Variants in BMPER observed in about 807,000 individuals in gnomAD.
BMPER encodes the protein BMP binding endothelial regulator.
A neutral mutation model predicts 87.3 loss-of-function variants in BMPER; 45 were observed. The observed-to-expected ratio is 0.52, with a 90% CI of 0.41 to 0.66. BMPER has a LOEUF of 0.66. Ranked by LOEUF, BMPER falls within the 30% of genes least tolerant of loss-of-function variation. The pLI is 0.00. For synonymous variants in BMPER, 326 were observed against 316.2 expected (o/e 1.03, Z -0.33); for missense variants, 784 against 867.5 (o/e 0.90, Z 1.21).
chr7:33,989,674 A>C (rs1490095382), intron 6 of BMPER, among the ~76,000 whole-genome samples: 2 of 152,050 alleles, frequency 1.3e-5, no homozygotes, highest in African/African-American at 4.8e-5. Context: ...GGTGTTTTGG[A>C]CATGAAGTCC....
At chr7:33,983,719 G>A (rs1290546776) in intron 6 of BMPER, among the ~76,000 whole-genome samples, 1 of 152,112 alleles carries the variant, frequency 6.6e-6, no homozygotes, top group East Asian at 1.9e-4. Context: ...TCCTCTCCCT[G>A]CACCAACCAG....
intron 13 of BMPER, among the ~76,000 whole-genome samples, chr7:34,116,011 A>G (rs1406620356): frequency 6.6e-6 from 1 of 152,216 alleles, no homozygotes; most frequent in African/African-American, 2.4e-5. Flanking sequence ...CCTAGTGGGT[A>G]TGAAGTGGTA....
At chr7:34,063,282 A>G (rs1788488531) in intron 11 of BMPER, among the ~76,000 whole-genome samples, 1 of 152,082 alleles carries the variant, frequency 6.6e-6, no homozygotes, top group African/African-American at 2.4e-5. Flanking sequence ...GTTCTTTCCA[A>G]TTCTCTAAAA....
At chr7:34,072,612 G>A (rs1002288721) in intron 11 of BMPER, among the ~76,000 whole-genome samples, 6 of 152,042 alleles carry the variant, frequency 3.9e-5, no homozygotes, top group Non-Finnish European at 7.4e-5. Flanking sequence ...ACCTCTTTCA[G>A]AAGTGCCCAT....
At chr7:33,972,223 A>G (rs772709569) in intron 5 of BMPER, among the ~76,000 whole-genome samples, 2 of 152,116 alleles carry the variant, frequency 1.3e-5, no homozygotes, top group Non-Finnish European at 2.9e-5. Context: ...TTATTGACAC[A>G]GAATCAACTC....
intron 11 of BMPER, among the ~76,000 whole-genome samples, chr7:34,072,596 A>G (rs1392228906): frequency 6.6e-6 from 1 of 152,132 alleles, no homozygotes; most frequent in African/African-American, 2.4e-5. Flanking sequence ...CCTTGTGAAT[A>G]CATTCACCTC....
At chr7:33,993,942 G>A (rs1339368183) in intron 6 of BMPER, among the ~76,000 whole-genome samples, 1 of 152,144 alleles carries the variant, frequency 6.6e-6, no homozygotes, top group Non-Finnish European at 1.5e-5. Flanking sequence ...GGGGGTCAGG[G>A]GTCAGGGACC....
chr7:34,013,364 T>C (rs1786932605), intron 6 of BMPER, among the ~76,000 whole-genome samples: 1 of 151,750 alleles, frequency 6.6e-6, no homozygotes, highest in East Asian at 2.0e-4. Flanking sequence ...TCAACTCTAC[T>C]ACTTCCATCC....
chr7:34,093,857 C>T (rs1789458634), intron 13 of BMPER, among the ~76,000 whole-genome samples: 1 of 152,128 alleles, frequency 6.6e-6, no homozygotes, highest in Non-Finnish European at 1.5e-5. Flanking sequence ...TACTTCTTAG[C>T]AGGAGGCAGA....
At chr7:33,924,432 G>A (rs1409422845) in intron 2 of BMPER, among the ~76,000 whole-genome samples, 1 of 152,044 alleles carries the variant, frequency 6.6e-6, no homozygotes, top group East Asian at 1.9e-4. Flanking sequence ...GCGCGCTGCG[G>A]CTCCGGACGC....
chr7:34,069,197 A>C (rs1270030131), intron 11 of BMPER, among the ~76,000 whole-genome samples: 1 of 152,218 alleles, frequency 6.6e-6, no homozygotes, highest in Non-Finnish European at 1.5e-5. Flanking sequence ...GTAATGATAC[A>C]CCTAAAATAC....
chr7:34,149,047 A>G (rs1162565343), intron 14 of BMPER, among the ~76,000 whole-genome samples: 2 of 152,110 alleles, frequency 1.3e-5, no homozygotes, highest in Non-Finnish European at 2.9e-5. Flanking sequence ...GGAGGCATGC[A>G]TTGAGCTGCT....
rs1263527360 is a variant in BMPER at position 34,085,864 on chromosome 7, A to G, written c.1517A>G (p.Asp506Gly). The G allele has an allele frequency of 1.2e-6, 2 of 1,614,184 alleles. No homozygotes were observed. Among genetic ancestry groups the G allele is most frequent in the East Asian group, 2.2e-5 (1 of 44,870 alleles). ...LCGNYNGHKRDDLIGGDGNFK... is the reference protein window; with the variant it reads ...LCGNYNGHKRGDLIGGDGNFK... ...GGCAACTACAATGGACATAAACGTG[A>G]TGACTTAATTGGTGGAGATGGAAAC... Residue 506 changes from aspartate (D) to glycine (G), a missense_variant, in exon 13 of 15, where the codon GAT (aspartate) becomes GGT (glycine). By Grantham distance (94) the Asp-to-Gly change is moderately conservative. Coordinates refer to ENST00000649409, the MANE Select transcript of BMPER (RefSeq NM_001365308.1).
intron 13 of BMPER, among the ~76,000 whole-genome samples, chr7:34,114,731 G>T (rs528166664): frequency 6.6e-6 from 1 of 152,328 alleles, no homozygotes; most frequent in East Asian, 1.9e-4. Context: ...GTAAGCTTGA[G>T]CCGCCATCTG....
chr7:33,929,797 C>CA (rs1213202722), intron 2 of BMPER, among the ~76,000 whole-genome samples: 1 of 152,146 alleles, frequency 6.6e-6, no homozygotes, highest in East Asian at 1.9e-4. Context: ...GGTTAAATGA[C>CA]AAAATACACA....
chr7:34,008,173 G>A (rs1044388415), intron 6 of BMPER, among the ~76,000 whole-genome samples: 3 of 151,866 alleles, frequency 2.0e-5, no homozygotes, highest in African/African-American at 7.2e-5. Flanking sequence ...ATGAAATATG[G>A]TACTTAAGTT....
chr7:34,096,110 G>A (rs753631726), intron 13 of BMPER, among the ~76,000 whole-genome samples: 5 of 152,104 alleles, frequency 3.3e-5, no homozygotes, highest in Non-Finnish European at 5.9e-5. Flanking sequence ...GTATCAGGTC[G>A]CCCTTTGAAA....
intron 6 of BMPER, among the ~76,000 whole-genome samples, chr7:34,009,727 T>C (rs964401793): frequency 6.6e-6 from 1 of 151,888 alleles, no homozygotes; most frequent in African/African-American, 2.4e-5. Flanking sequence ...AAAAAACTAT[T>C]GTCAACTAAG....
intron 2 of BMPER, chr7:33,922,151 G>C (rs1032848250): frequency 4.4e-6 from 1 of 226,398 alleles, no homozygotes; most frequent in African/African-American, 2.3e-5. Context: ...CAGAATTCTG[G>C]TCATGTTGCT....
Sources: allele counts gnomAD v4.1 joint callset (sites outside exome capture counted in the v4.1 genomes callset), GRCh38; gene constraint gnomAD v4.1.1; transcripts MANE v1.5; gene names NCBI Gene and HGNC (gene_info 2026-07-23, HGNC 2026-07-21).